The following TXNL1 variants were observed in gnomAD, a reference collection of about 807,000 sequenced individuals.
The protein encoded by TXNL1 is thioredoxin-like protein 1.
TXNL1 carries 14 observed loss-of-function variants against 35.5 expected under a neutral mutation model. The observed-to-expected ratio is 0.39, with a 90% CI of 0.26 to 0.62. The LOEUF is 0.62. TXNL1 is among the 20% of genes least tolerant of loss of function. The pLI, the probability that TXNL1 is intolerant of heterozygous loss-of-function variation, is 0.47. For missense variants in TXNL1, 263 were observed against 349.7 expected (o/e 0.75, Z 1.98); for synonymous variants, 110 against 115.5 (o/e 0.95, Z 0.31).
At chr18:56,607,306 C>T (rs1316421507) in intron 7 of TXNL1, among the ~76,000 whole-genome samples, 2 of 151,676 alleles carry the variant, frequency 1.3e-5, no homozygotes, top group African/African-American at 4.8e-5. Flanking sequence ...GTGCACCCAC[C>T]GTCTTGCATG....
chr18:56,629,109 C>T (rs1409236000), intron 1 of TXNL1, among the ~76,000 whole-genome samples: 1 of 152,144 alleles, frequency 6.6e-6, no homozygotes, highest in African/African-American at 2.4e-5. Context: ...AAAGTCTATT[C>T]CATTTTAACA....
chr18:56,632,926 T>C (rs2024397434), intron 1 of TXNL1, among the ~76,000 whole-genome samples: 1 of 152,208 alleles, frequency 6.6e-6, no homozygotes, highest in African/African-American at 2.4e-5. Flanking sequence ...TGTACTTCAA[T>C]AAACTTCCTT....
chr18:56,631,920 CAAA>C (rs539527338), intron 1 of TXNL1, among the ~76,000 whole-genome samples: 6 of 71,402 alleles, frequency 8.4e-5, no homozygotes, highest in African/African-American at 1.0e-4. Context: ...AACTCTGTCT[CAAA>C]AAAAAAAAAA....
chr18:56,626,479 G>C, intron 1 of TXNL1, 22 bp from the exon 2 acceptor site: 1 of 1,572,412 alleles, frequency 6.4e-7, no homozygotes, highest in Non-Finnish European at 8.7e-7. Flanking sequence ...GGAAAATTAA[G>C]TAAAATAACA....
At chr18:56,625,800 G>A (rs1421194099) in intron 2 of TXNL1, among the ~76,000 whole-genome samples, 1 of 152,120 alleles carries the variant, frequency 6.6e-6, no homozygotes. Context: ...ATTGGAAGGA[G>A]CTTTCCAATT....
chr18:56,616,201 T>C, intron 5 of TXNL1, 44 bp downstream of exon 5: 1 of 1,544,602 alleles, frequency 6.5e-7, no homozygotes, highest in Non-Finnish European at 8.9e-7. Flanking sequence ...CTAACAGTTC[T>C]ACAAAGCAGA....
chr18:56,597,909 T>A lies in TXNL1; in HGVS notation c.*5118A>T, dbSNP rs1168330889. ...CTACTTCTATATTCAATTGTAAAAG[T>A]GAGAACCTTGTGAGACATCACAGAC... On this transcript the variant is annotated 3_prime_UTR_variant, in exon 8 of 8. Coordinates refer to ENST00000217515, the MANE Select transcript of TXNL1 (RefSeq NM_004786.3). 6.6e-6 allele frequency: 1 copy of A among 152,252 alleles called. No individual in the cohort carries two copies. Among genetic ancestry groups the A allele is most frequent in the African/African-American group, 2.4e-5 (1 of 41,478 alleles). 9.4% of individuals were successfully genotyped at this position (152,252 alleles called of 1,614,324 possible). A position where few individuals can be genotyped will look rare whatever the true frequency, so the allele number is the denominator to read the frequency against.
chr18:56,603,189 T>C (rs530740634), intron 7 of TXNL1, 133 bp from the exon 8 acceptor site: 1 of 771,616 alleles, frequency 1.3e-6, no homozygotes, highest in African/African-American at 1.8e-5. Context: ...GCAATGTATT[T>C]TCACTGTTGA....
intron 7 of TXNL1, 36 bp from the exon 8 acceptor site, chr18:56,603,092 A>G (rs777455981): frequency 1.3e-6 from 2 of 1,552,802 alleles, no homozygotes; most frequent in Non-Finnish European, 1.8e-6. Context: ...TGTACATCCT[A>G]TTGATTTTAA....
Position 56,627,272 on chromosome 18 carries a change from T to C in TXNL1, c.99-815A>G, listed in dbSNP as rs545168379. 1.2e-4 allele frequency among the ~76,000 whole-genome samples: 19 copies of C among 152,252 alleles called. No homozygotes were observed. The South Asian group carries it at 1.7e-3, about 13-fold the overall frequency. On this transcript the variant is annotated intron_variant, in intron 1 of 7. Transcript: ENST00000217515. ...AGAAATTAAAGAAAACCTAAATAAA[T>C]GGAGGAATTTACTCTGCTTATGAAT...
rs566308477 is a variant in TXNL1 at position 56,599,280 on chromosome 18, A to T, written c.*3747T>A. 1 of 116,172 alleles carries T rather than the reference A, an allele frequency of 8.6e-6. No individual in the cohort carries two copies. The highest frequency in any genetic ancestry group is 2.3e-4 in the East Asian group (1 of 4,392). 7.2% of individuals were successfully genotyped at this position (116,172 alleles called of 1,614,324 possible). On this transcript the variant is annotated 3_prime_UTR_variant, in exon 8 of 8. Transcript: ENST00000217515. ...TTATTCCTATAGTGCTGAGCATGTT[A>T]AAAAAAAAAAAAAACCTTATTGATC... is the stretch of plus-strand genomic sequence containing the variant.
chr18:56,615,858 C>T (rs35529993), intron 5 of TXNL1, among the ~76,000 whole-genome samples: 93,088 of 152,080 alleles, frequency 0.61, 33,198 homozygotes, highest in Non-Finnish European at 0.78. Flanking sequence ...AAGCCAGGTG[C>T]GGTGCTCATG....
intron 1 of TXNL1, among the ~76,000 whole-genome samples, chr18:56,633,894 G>T (rs907442740): frequency 7.1e-5 from 10 of 140,898 alleles, no homozygotes; most frequent in African/African-American, 2.7e-4. Context: ...TGAGGCAGGA[G>T]AATTGCTTGA....
intron 1 of TXNL1, among the ~76,000 whole-genome samples, chr18:56,634,918 T>C (rs2024432377): frequency 1.3e-5 from 2 of 152,092 alleles, no homozygotes; most frequent in Admixed American, 1.3e-4. Flanking sequence ...ATCCGGCATA[T>C]ATAAAGAACT....
In TXNL1 at chr18:56,599,312, A is replaced by G. The variant is rs1261261449; in HGVS notation, c.*3715T>C. On this transcript the variant is annotated 3_prime_UTR_variant, in exon 8 of 8. Transcript: ENST00000217515. Reference sequence around the variant, plus strand: ...AAAAAAAACCTTATTGATCAAAAATAAAACTTGAATTTTGAAACATGCTTA... The same window carrying G: ...AAAAAAAACCTTATTGATCAAAAATGAAACTTGAATTTTGAAACATGCTTA... The G allele has an allele frequency of 1.3e-5, 2 of 152,052 alleles. No homozygotes were observed. The highest frequency in any genetic ancestry group is 4.8e-5 in the African/African-American group (2 of 41,406). The allele number at this position is 152,052 out of a possible 1,614,324, so 9.4% of individuals were successfully genotyped here.
At chr18:56,617,393 G>A (rs2024106090) in intron 4 of TXNL1, among the ~76,000 whole-genome samples, 2 of 152,148 alleles carry the variant, frequency 1.3e-5, no homozygotes, top group South Asian at 4.1e-4. Flanking sequence ...CTCTTCTAAG[G>A]AATGGAAACA....
intron 1 of TXNL1, among the ~76,000 whole-genome samples, chr18:56,632,629 T>C (rs1459250208): frequency 6.6e-6 from 1 of 152,240 alleles, no homozygotes; most frequent in African/African-American, 2.4e-5. Context: ...TCTTGAAAGG[T>C]AGCCAGACAA....
rs75470633 is a variant in TXNL1 at position 56,621,548 on chromosome 18, T to C, written c.369+2740A>G. Among the ~76,000 whole-genome samples the C allele has an allele frequency of 9.8e-5, 15 of 152,318 alleles. No individual in the cohort carries two copies. In the East Asian group the frequency reaches 2.9e-3, roughly 29 times the overall value. ...AAAGTATTTTGTTATAAAAACTGTC[T>C]GGGACAAACTGGCATTATTACATTG... On this transcript the variant is annotated intron_variant, in intron 3 of 7. Transcript: ENST00000217515.
rs2023937193 is a variant in TXNL1, at chr18:56,608,408, C to A, written c.840+2585G>T. The A allele has an allele frequency of 2.0e-5, 3 of 152,120 alleles. No homozygotes were observed. The South Asian group carries it at 6.2e-4, about 32-fold the overall frequency. 9.4% of individuals were successfully genotyped at this position (152,120 alleles called of 1,614,324 possible). ...CATTCAGAAATATTACAAGAAAATG[C>A]AATATTAATATACCTAAGAAAATCA... On this transcript the variant is annotated intron_variant, in intron 7 of 7. Coordinates refer to ENST00000217515, the MANE Select transcript of TXNL1 (RefSeq NM_004786.3).
Sources: allele counts gnomAD v4.1 joint callset (sites outside exome capture counted in the v4.1 genomes callset), GRCh38; gene constraint gnomAD v4.1.1; transcripts MANE v1.5; gene names NCBI Gene and HGNC (gene_info 2026-07-23, HGNC 2026-07-21).